Variants in BABAM2 observed in about 807,000 individuals in gnomAD.
The protein encoded by BABAM2 is BRISC and BRCA1 A complex member 2.
BABAM2 carries 31 observed loss-of-function variants against 54.7 expected under a neutral mutation model. The observed-to-expected ratio is 0.57, with a 90% CI of 0.43 to 0.77. The LOEUF is 0.77. BABAM2 is among the 30% of genes least tolerant of loss of function. The pLI is 0.00. For synonymous variants in BABAM2, 167 were observed against 162.9 expected (o/e 1.03, Z -0.19); for missense variants, 364 against 455.8 (o/e 0.80, Z 1.83).
intron 3 of BABAM2, among the ~76,000 whole-genome samples, chr2:27,945,251 A>C (rs761709991): frequency 4.0e-5 from 6 of 151,342 alleles, no homozygotes; most frequent in Non-Finnish European, 8.9e-5. Flanking sequence ...CTGGTCTCGA[A>C]CTCCTGGCCT....
intron 2 of BABAM2, 186 bp downstream of exon 2, chr2:27,894,870 T>G (rs1235375871): frequency 3.2e-6 from 2 of 633,362 alleles, no homozygotes; most frequent in African/African-American, 3.7e-5. Context: ...GTTATTTTAT[T>G]TGTGTTGTGG....
At chr2:27,890,233 CTGAG>C (rs756166439), upstream of BABAM2, 4 of 1,610,430 alleles carry the variant, frequency 2.5e-6, no homozygotes, top group Middle Eastern at 1.7e-4. The surrounding 1 kb of genome is among the most constrained non-coding windows in gnomAD (Gnocchi z 4.8). Flanking sequence ...GAGCCGCAGA[CTGAG>C]TAACTGGCCC....
At chr2:27,997,616 A>C (rs1673260726) in intron 4 of BABAM2, among the ~76,000 whole-genome samples, 2 of 152,222 alleles carry the variant, frequency 1.3e-5, no homozygotes, top group African/African-American at 2.4e-5. Context: ...ATGTGTTATA[A>C]ACAAGGCTTT....
chr2:27,900,018 T>G (rs1372181844), intron 2 of BABAM2, among the ~76,000 whole-genome samples: 1 of 152,186 alleles, frequency 6.6e-6, no homozygotes, highest in Non-Finnish European at 1.5e-5. Flanking sequence ...AATCCTTCCA[T>G]CAGCCGAAGT....
rs148697092 is a variant in BABAM2 at position 28,328,012 on chromosome 2, T to C, written c.1089-10438T>C. On this transcript the variant is annotated intron_variant, in intron 11 of 11. Coordinates refer to ENST00000379624, the MANE Select transcript of BABAM2 (RefSeq NM_199191.3). ...ATAATTACAAAACAAGCTCCCATCG[T>C]GCCAGTCACTCACTCACCAAGGCAC... Among the ~76,000 whole-genome samples the C allele has an allele frequency of 2.6e-3, 397 of 152,232 alleles. 2 individuals are homozygous for C. The highest frequency in any genetic ancestry group is 5.8e-3 in the Admixed American group (89 of 15,292).
intron 6 of BABAM2, among the ~76,000 whole-genome samples, chr2:28,071,372 C>T (rs1664125887): frequency 6.6e-6 from 1 of 152,212 alleles, no homozygotes; most frequent in Non-Finnish European, 1.5e-5. Flanking sequence ...ATTGCAGGCT[C>T]ATTGTGCAGT....
At chr2:27,951,713 A>G (rs947859614) in intron 3 of BABAM2, among the ~76,000 whole-genome samples, 11 of 151,712 alleles carry the variant, frequency 7.3e-5, no homozygotes, top group Non-Finnish European at 1.2e-4. Context: ...TCAATTTTTT[A>G]TTTTTCCGTA....
upstream of BABAM2, among the ~76,000 whole-genome samples, chr2:27,889,493 C>T (rs1217959061): frequency 6.6e-6 from 1 of 152,054 alleles, no homozygotes; most frequent in East Asian, 1.9e-4. Context: ...TTACAGTGAA[C>T]ATACATTACT....
At chr2:27,972,829 C>T (rs1671317669) in intron 3 of BABAM2, among the ~76,000 whole-genome samples, 2 of 142,598 alleles carry the variant, frequency 1.4e-5, no homozygotes, top group African/African-American at 2.6e-5. Flanking sequence ...TGCAGTGGCT[C>T]GATCTCGACT....
At chr2:28,206,571 C>T (rs1239918782) in intron 7 of BABAM2, among the ~76,000 whole-genome samples, 3 of 152,114 alleles carry the variant, frequency 2.0e-5, no homozygotes, top group Admixed American at 2.0e-4. Flanking sequence ...GGCTGAAACC[C>T]CACCAGTGCT....
chr2:27,891,734 C>A (rs1664866598), intron 1 of BABAM2, among the ~76,000 whole-genome samples: 1 of 129,070 alleles, frequency 7.7e-6, no homozygotes, highest in African/African-American at 2.9e-5. Context: ...CACACCTCCT[C>A]ATGGTTGAAA....
chr2:28,293,093 C>T (rs1219218413), intron 10 of BABAM2, among the ~76,000 whole-genome samples: 5 of 152,144 alleles, frequency 3.3e-5, no homozygotes, highest in Admixed American at 2.0e-4. Context: ...TGCTAGACTG[C>T]GAATTGTGAC....
At chr2:27,982,845 A>ATACG (rs397823229) in intron 3 of BABAM2, among the ~76,000 whole-genome samples, 8 of 14,004 alleles carry the variant, frequency 5.7e-4, no homozygotes, top group African/African-American at 1.3e-3. Flanking sequence ...CATTATGTGT[A>ATACG]CACACACACA....
chr2:27,931,732 A>C (rs922223940), intron 3 of BABAM2, among the ~76,000 whole-genome samples: 3 of 152,098 alleles, frequency 2.0e-5, no homozygotes, highest in Admixed American at 6.5e-5. Flanking sequence ...CTTAAGGACA[A>C]TCTCTAAGCA....
rs1323086452 is a variant in BABAM2, at chr2:28,327,342, C to G, written c.1089-11108C>G. ...GTCCTGGCCTTTGCAGTTGCAAAAA[C>G]TGGCTGCAAGCTGCTCCAGCCCCAG... On this transcript the variant is annotated intron_variant, in intron 11 of 11. Transcript: ENST00000379624. 2 of 1,613,980 alleles carry G rather than the reference C, an allele frequency of 1.2e-6. No individual in the cohort carries two copies. The highest frequency in any genetic ancestry group is 8.5e-7 in the Non-Finnish European group (1 of 1,179,922).
intron 6 of BABAM2, among the ~76,000 whole-genome samples, chr2:28,126,199 T>G (rs1349339738): frequency 2.6e-5 from 4 of 151,884 alleles, no homozygotes; most frequent in Admixed American, 1.3e-4. Context: ...ATGTGCAGGT[T>G]AGTTACATAT....
chr2:28,286,590 C>T (rs1686839003), intron 10 of BABAM2, among the ~76,000 whole-genome samples: 1 of 152,186 alleles, frequency 6.6e-6, no homozygotes, highest in Non-Finnish European at 1.5e-5. Context: ...TCTTGCTTCT[C>T]TCCCTCCCTT....
chr2:28,181,995 A>G (rs74943580), intron 7 of BABAM2, among the ~76,000 whole-genome samples: 15,105 of 152,054 alleles, frequency 0.099, 795 homozygotes, highest in Admixed American at 0.11. Context: ...TGTGAGCACA[A>G]AGGCCTGGGG....
chr2:27,938,589 A>G (rs1438514212), intron 3 of BABAM2, among the ~76,000 whole-genome samples: 1 of 151,804 alleles, frequency 6.6e-6, no homozygotes, highest in Non-Finnish European at 1.5e-5. Context: ...ACAGGGTTTC[A>G]CCATATTGGC....
Sources: allele counts gnomAD v4.1 joint callset (sites outside exome capture counted in the v4.1 genomes callset), GRCh38; gene constraint gnomAD v4.1.1; non-coding constraint Gnocchi (gnomAD v3.1); transcripts MANE v1.5; gene names NCBI Gene and HGNC (gene_info 2026-07-23, HGNC 2026-07-21).